Variants in SLC25A16 observed in about 807,000 individuals in gnomAD.
The protein encoded by SLC25A16 is solute carrier family 25 member 16, also known as mitochondrial coenzyme A transporter SLC25A16.
A neutral mutation model predicts 41.5 loss-of-function variants in SLC25A16; 39 were observed. That is an observed-to-expected ratio of 0.94 (90% CI 0.73 to 1.23). SLC25A16 has a LOEUF of 1.23. Ranked by LOEUF, SLC25A16 falls within the 50% of genes most tolerant of loss-of-function variation. The pLI is 0.00. For synonymous variants in SLC25A16, 146 were observed against 147.8 expected (o/e 0.99, Z 0.09); for missense variants, 421 against 426.9 (o/e 0.99, Z 0.12).
At chr10:68,491,486 A>T (rs1000775572) in intron 6 of SLC25A16, among the ~76,000 whole-genome samples, 2 of 152,228 alleles carry the variant, frequency 1.3e-5, no homozygotes, top group Non-Finnish European at 2.9e-5. Context: ...TGGCCTCACA[A>T]AGTGCTGGGA....
chr10:68,510,170 G>T (rs1358100328), intron 2 of SLC25A16, among the ~76,000 whole-genome samples: 1 of 152,142 alleles, frequency 6.6e-6, no homozygotes, highest in Non-Finnish European at 1.5e-5. Context: ...TAAAAAGTCG[G>T]AGTAGAAGTA....
At chr10:68,507,239 A>G (rs1437240617) in intron 2 of SLC25A16, among the ~76,000 whole-genome samples, 1 of 151,536 alleles carries the variant, frequency 6.6e-6, no homozygotes, top group African/African-American at 2.4e-5. Context: ...CACCCGGCTA[A>G]TTTTTGCATT....
In SLC25A16 at chr10:68,518,957, C is replaced by T. The variant is rs12248893; in HGVS notation, c.131-2114G>A. Among the ~76,000 whole-genome samples, 985 of 152,144 alleles carry T rather than the reference C, an allele frequency of 6.5e-3. 8 individuals carry two copies. Among genetic ancestry groups the T allele is most frequent in the African/African-American group, 0.022 (930 of 41,522 alleles). On this transcript the variant is annotated intron_variant, in intron 1 of 8. Transcript: ENST00000609923. ...CCTGTAATCCCAGCGCTTTGGGAGG[C>T]CGAGGTGGGCGGATCACCTGAGGTC... is the stretch of plus-strand genomic sequence containing the variant.
intron 8 of SLC25A16, among the ~76,000 whole-genome samples, chr10:68,485,798 A>ATT (rs574917604): frequency 0.043 from 5,282 of 123,194 alleles, 170 homozygotes; most frequent in African/African-American, 0.074. Context: ...CCTAAGCAAT[A>ATT]TTTTTTTTTT....
At chr10:68,501,706 A>G (rs2052848632) in intron 4 of SLC25A16, among the ~76,000 whole-genome samples, 1 of 152,074 alleles carries the variant, frequency 6.6e-6, no homozygotes, top group African/African-American at 2.4e-5. Context: ...AGATCACTTG[A>G]ATCCAGGAGT....
At chr10:68,509,274 T>C (rs2053012680) in intron 2 of SLC25A16, among the ~76,000 whole-genome samples, 1 of 151,696 alleles carries the variant, frequency 6.6e-6, no homozygotes, top group East Asian at 1.9e-4. Flanking sequence ...GAGGTGGAGG[T>C]TGCAGTGAGC....
chr10:68,493,376 T>C, intron 5 of SLC25A16, 73 bp downstream of exon 5: 9 of 1,325,320 alleles, frequency 6.8e-6, no homozygotes, highest in Non-Finnish European at 9.7e-6. Flanking sequence ...GAATAATTAC[T>C]TATATGACAT....
At position 68,478,286 on chromosome 10, in the gene SLC25A16, A is replaced by T. The variant is rs1326062416; in HGVS notation, c.*5146T>A. On this transcript the variant is annotated 3_prime_UTR_variant, in exon 9 of 9. Transcript: ENST00000609923. ...TGAGCTAAGGCATCAAAGGTGCTTA[A>T]AACAAGGAATGCCACATAATTCTTC... The T allele has an allele frequency of 6.6e-6, 1 of 152,174 alleles. No individual in the cohort carries two copies. The highest frequency in any genetic ancestry group is 1.5e-5 in the Non-Finnish European group (1 of 68,038). The allele number at this position is 152,174 out of a possible 1,614,324, so 9.4% of individuals were successfully genotyped here.
Position 68,527,376 on chromosome 10 carries a change from C to A in SLC25A16, c.-1G>T. The A allele has an allele frequency of 6.7e-7, 1 of 1,496,566 alleles. No homozygotes were observed. 92.7% of individuals were successfully genotyped at this position (1,496,566 alleles called of 1,614,324 possible). A position where few individuals can be genotyped will look rare whatever the true frequency, so the allele number is the denominator to read the frequency against. ...CTGCCGCGGCCGTCGCCGCCGCCATCAGGACCAGGGTCGCGTCAGGAGCCT... is the reference window on the plus strand; with the variant it reads ...CTGCCGCGGCCGTCGCCGCCGCCATAAGGACCAGGGTCGCGTCAGGAGCCT... On this transcript the variant is annotated 5_prime_UTR_variant, in exon 1 of 9. Transcript: ENST00000609923.
chr10:68,506,700 C>G lies in SLC25A16; in HGVS notation c.242G>C (p.Arg81Pro), dbSNP rs143073658. The change falls in exon 3 of 9, where the codon CGT (arginine) becomes CCT (proline). Residue 81 changes from arginine (R) to proline (P), a missense_variant. Coordinates refer to ENST00000609923, the MANE Select transcript of SLC25A16 (RefSeq NM_152707.4). ...YKHLGVFSALRAVPQKEGFLG... is the reference protein window; with the variant it reads ...YKHLGVFSALPAVPQKEGFLG... ...GAATCCTTCTTTTTGAGGAACAGCA[C>G]GCAATGCAGAAAATACTCCTATTTT... The G allele has an allele frequency of 2.5e-6, 4 of 1,580,880 alleles. No homozygotes were observed. The highest frequency in any genetic ancestry group is 3.4e-6 in the Non-Finnish European group (4 of 1,164,264).
At chr10:68,492,550 C>T (rs909715739) in intron 6 of SLC25A16, among the ~76,000 whole-genome samples, 3 of 152,050 alleles carry the variant, frequency 2.0e-5, no homozygotes, top group South Asian at 4.1e-4. Flanking sequence ...GGGTAGATCA[C>T]CTGAGGTCGG....
intron 6 of SLC25A16, among the ~76,000 whole-genome samples, chr10:68,489,052 C>G (rs980320219): frequency 6.6e-6 from 1 of 152,080 alleles, no homozygotes; most frequent in Non-Finnish European, 1.5e-5. Context: ...GGCGGATTAC[C>G]TGAGGTCAGG....
intron 2 of SLC25A16, among the ~76,000 whole-genome samples, chr10:68,514,455 C>T (rs545026271): frequency 3.9e-4 from 59 of 152,074 alleles, no homozygotes; most frequent in South Asian, 6.2e-4. Context: ...GAGATCACAC[C>T]GCTGCACTCC....
intron 2 of SLC25A16, among the ~76,000 whole-genome samples, chr10:68,513,870 A>C (rs1400612882): frequency 6.7e-6 from 1 of 149,592 alleles, no homozygotes; most frequent in Non-Finnish European, 1.5e-5. Context: ...ACAGAGGAAG[A>C]CTCCATCTCA....
intron 8 of SLC25A16, among the ~76,000 whole-genome samples, chr10:68,484,954 G>A (rs1189762979): frequency 1.3e-5 from 2 of 152,030 alleles, no homozygotes; most frequent in Admixed American, 6.6e-5. Context: ...AAATCAAGAC[G>A]TGCTGTGAGT....
chr10:68,510,862 C>T (rs1017110011), intron 2 of SLC25A16, among the ~76,000 whole-genome samples: 2 of 151,892 alleles, frequency 1.3e-5, no homozygotes, highest in South Asian at 2.1e-4. Context: ...AAAAATTTTT[C>T]GAAAAGAGCA....
rs57791947 is a variant in SLC25A16 at position 68,480,424 on chromosome 10, T to A, written c.*3008A>T. ...AATATCCTCTGTATTCTATAACATATAGAATGCAAATTTTTATTTAAAAGA... is the reference window on the plus strand; with the variant it reads ...AATATCCTCTGTATTCTATAACATAAAGAATGCAAATTTTTATTTAAAAGA... On this transcript the variant is annotated 3_prime_UTR_variant, in exon 9 of 9. Coordinates refer to ENST00000609923, the MANE Select transcript of SLC25A16 (RefSeq NM_152707.4). The A allele has an allele frequency of 6.7e-6, 1 of 149,650 alleles. No individual in the cohort carries two copies. Among genetic ancestry groups the A allele is most frequent in the Non-Finnish European group, 1.5e-5 (1 of 67,854 alleles). The allele number at this position is 149,650 out of a possible 1,614,324, so 9.3% of individuals were successfully genotyped here. A position where few individuals can be genotyped will look rare whatever the true frequency, so the allele number is the denominator to read the frequency against.
chr10:68,516,624 A>T (rs1381062958), intron 2 of SLC25A16, 127 bp downstream of exon 2: 1 of 569,040 alleles, frequency 1.8e-6, no homozygotes, highest in African/African-American at 1.9e-5. Context: ...TCCTAATTAA[A>T]TGGGGAAAAA....
chr10:68,502,589 G>A (rs2052867239), intron 4 of SLC25A16, among the ~76,000 whole-genome samples: 1 of 150,344 alleles, frequency 6.7e-6, no homozygotes. Context: ...AATTAGCTGG[G>A]TGTGGTGGCA....
Sources: gnomAD v4.1 joint callset for allele counts (sites outside exome capture counted in the v4.1 genomes callset) on GRCh38, gnomAD v4.1.1 for gene constraint, MANE v1.5 for transcripts, NCBI Gene and HGNC (gene_info 2026-07-23, HGNC 2026-07-21) for gene names.